OTUD7A: variants seen among roughly 807,000 people sequenced by gnomAD.
OTUD7A encodes the protein OTU domain-containing protein 7A.
Under a neutral mutation model 65.7 loss-of-function variants are expected in OTUD7A, and 12 were observed. That is an observed-to-expected ratio of 0.18 (90% CI 0.12 to 0.30). The LOEUF (loss-of-function observed/expected upper bound fraction) is 0.30, where lower values mean the gene tolerates loss of function less well. OTUD7A is among the 10% of genes least tolerant of loss of function. The probability of loss-of-function intolerance (pLI) is 1.00; values close to 1 mark genes in which losing one functional copy is unlikely to be tolerated. For synonymous variants in OTUD7A, 641 were observed against 586.3 expected, an observed-to-expected ratio of 1.09 and a Z score of -1.35; for missense variants, 1,148 against 1,304.8, an observed-to-expected ratio of 0.88 and a Z score of 1.85.
At chr15:31,537,410 A>T (rs1887840219) in intron 5 of OTUD7A, among the ~76,000 whole-genome samples, 1 of 152,246 alleles carries the variant, frequency 6.6e-6, no homozygotes, top group Non-Finnish European at 1.5e-5. Context: ...TATTATATGA[A>T]GATGTTAATG....
At position 31,811,615 on chromosome 15, in the gene OTUD7A, G is replaced by A. The variant is rs533166606; in HGVS notation, c.-100+58892C>T. Among the ~76,000 whole-genome samples, 3 of 152,226 alleles carry A rather than the reference G, an allele frequency of 2.0e-5. No homozygotes were observed. In the South Asian group the frequency reaches 6.2e-4, roughly 32 times the overall value. Reference sequence around the variant, plus strand: ...AAAAGGAGACAGTGAGAAGCCGCAGGAGTGAGCAGGATCTCCACCGCACTC... The same window carrying A: ...AAAAGGAGACAGTGAGAAGCCGCAGAAGTGAGCAGGATCTCCACCGCACTC... On this transcript the variant is annotated intron_variant, in intron 1 of 12. Transcript: ENST00000307050.
intron 3 of OTUD7A, among the ~76,000 whole-genome samples, chr15:31,597,517 C>T (rs1192924664): frequency 1.3e-5 from 2 of 151,164 alleles, no homozygotes; most frequent in African/African-American, 4.9e-5. Context: ...GTTTCAGCAC[C>T]TTTGTTGAAA....
chr15:31,853,240 A>C (rs1897476221), intron 1 of OTUD7A, among the ~76,000 whole-genome samples: 1 of 152,214 alleles, frequency 6.6e-6, no homozygotes. Context: ...AGAAGTCCCC[A>C]AAGATTACAA....
intron 1 of OTUD7A, among the ~76,000 whole-genome samples, chr15:31,662,929 A>G (rs1322511579): frequency 2.6e-5 from 4 of 152,144 alleles, no homozygotes; most frequent in Non-Finnish European, 5.9e-5. Context: ...AATCAAAGCT[A>G]TTGATTTCTG....
intron 1 of OTUD7A, among the ~76,000 whole-genome samples, chr15:31,683,057 C>T (rs1847243): frequency 0.9 from 136,921 of 152,244 alleles, 62,843 homozygotes; most frequent in East Asian, 1. Context: ...AGATAGTCAA[C>T]GGCAGTGGCT....
intron 1 of OTUD7A, among the ~76,000 whole-genome samples, chr15:31,834,780 G>A (rs187975834): frequency 7.5e-4 from 115 of 152,326 alleles, no homozygotes; most frequent in African/African-American, 2.7e-3. Context: ...ATGTAAAAGT[G>A]GTTATCTGCA....
intron 1 of OTUD7A, among the ~76,000 whole-genome samples, chr15:31,830,194 C>T (rs1489481269): frequency 6.6e-6 from 1 of 152,186 alleles, no homozygotes; most frequent in East Asian, 1.9e-4. Context: ...ACAGCTGGCT[C>T]TTTAAGTCTG....
chr15:31,816,706 ATCACATGTT>A (rs1567038601), intron 1 of OTUD7A, among the ~76,000 whole-genome samples: 18 of 152,322 alleles, frequency 1.2e-4, no homozygotes, highest in African/African-American at 4.3e-4. Context: ...AAAAATTAGA[ATCACATGTT>A]AAACATACAC....
intron 8 of OTUD7A, among the ~76,000 whole-genome samples, chr15:31,517,911 A>G (rs1046088477): frequency 6.6e-6 from 1 of 152,160 alleles, no homozygotes; most frequent in Non-Finnish European, 1.5e-5. Flanking sequence ...TAAGGAAGCC[A>G]GTCTGGGGCC....
chr15:31,507,423 T>C (rs1195219701), intron 8 of OTUD7A, among the ~76,000 whole-genome samples: 2 of 152,150 alleles, frequency 1.3e-5, no homozygotes, highest in East Asian at 1.9e-4. Context: ...TTCCATTTAT[T>C]ATAAGGTTGT....
chr15:31,752,308 G>A lies in OTUD7A; in HGVS notation c.-99-95231C>T, dbSNP rs1002614771. Among the ~76,000 whole-genome samples the A allele has an allele frequency of 9.2e-5, 14 of 152,288 alleles. No homozygotes were observed. The South Asian group carries it at 1.2e-3, about 14-fold the overall frequency. On this transcript the variant is annotated intron_variant, in intron 1 of 12. Coordinates refer to ENST00000307050, the MANE Select transcript of OTUD7A (RefSeq NM_001382637.1). ...GCAAAACTATGTTGTTTTGGATGAC[G>A]TATATGAGGAAAATCTATCCTCATA... is the stretch of plus-strand genomic sequence containing the variant.
chr15:31,776,182 C>T (rs1053967429), intron 1 of OTUD7A, among the ~76,000 whole-genome samples: 3 of 152,190 alleles, frequency 2.0e-5, no homozygotes, highest in African/African-American at 7.2e-5. Context: ...GTCCCCTTAC[C>T]GCCTGGTACC....
chr15:31,827,105 C>T, intron 1 of OTUD7A, among the ~76,000 whole-genome samples: 1 of 152,224 alleles, frequency 6.6e-6, no homozygotes, highest in East Asian at 1.9e-4. Context: ...TTTCACGTAT[C>T]TTTTCAGCAA....
chr15:31,836,968 A>G (rs1298730929), intron 1 of OTUD7A, among the ~76,000 whole-genome samples: 1 of 152,216 alleles, frequency 6.6e-6, no homozygotes, highest in Non-Finnish European at 1.5e-5. Context: ...TATTCCACAT[A>G]GTACTAGAAG....
chr15:31,560,914 C>G (rs1566920723), intron 4 of OTUD7A, among the ~76,000 whole-genome samples: 1 of 152,238 alleles, frequency 6.6e-6, no homozygotes, highest in Non-Finnish European at 1.5e-5. Context: ...TCCCCACTTG[C>G]AAGAGCACTG....
intron 10 of OTUD7A, among the ~76,000 whole-genome samples, chr15:31,489,754 G>T (rs145252728): frequency 1.6e-4 from 25 of 152,330 alleles, no homozygotes; most frequent in African/African-American, 6.0e-4. Context: ...AGCTAAGACG[G>T]CACCCCAGAC....
At chr15:31,524,283 A>G (rs1374421999) in intron 8 of OTUD7A, among the ~76,000 whole-genome samples, 1 of 152,038 alleles carries the variant, frequency 6.6e-6, no homozygotes, top group East Asian at 1.9e-4. Context: ...CTTTCTACAG[A>G]CTGCTGTATT....
chr15:31,638,233 C>A (rs1489078130), intron 3 of OTUD7A, among the ~76,000 whole-genome samples: 1 of 152,062 alleles, frequency 6.6e-6, no homozygotes, highest in Non-Finnish European at 1.5e-5. Context: ...AGACCCTCCA[C>A]CAGCAAAAAG....
intron 1 of OTUD7A, among the ~76,000 whole-genome samples, chr15:31,770,004 G>C (rs1486973056): frequency 1.3e-5 from 2 of 152,096 alleles, no homozygotes; most frequent in East Asian, 3.8e-4. Flanking sequence ...TATTAGAAAA[G>C]ACAGGTATGA....
Sources: allele counts gnomAD v4.1 joint callset (sites outside exome capture counted in the v4.1 genomes callset), GRCh38; gene constraint gnomAD v4.1.1; transcripts MANE v1.5; gene names NCBI Gene and HGNC (gene_info 2026-07-23, HGNC 2026-07-21).